CWC27: variants seen among roughly 807,000 people sequenced by gnomAD.
CWC27 encodes the protein spliceosome-associated protein CWC27 homolog.
Under a neutral mutation model 63.6 loss-of-function variants are expected in CWC27, and 47 were observed. The ratio of observed to expected loss-of-function variants is 0.74; its 90% CI spans 0.58 to 0.94. The LOEUF is 0.94. Ranked by LOEUF, CWC27 falls within the 40% of genes least tolerant of loss-of-function variation. CWC27 has a pLI of 0.00. For missense variants in CWC27, 495 were observed against 554.3 expected (o/e 0.89, Z 1.07); for synonymous variants, 175 against 179.8 (o/e 0.97, Z 0.22).
At chr5:64,988,739 A>T (rs541225200) in intron 13 of CWC27, among the ~76,000 whole-genome samples, 1 of 151,278 alleles carries the variant, frequency 6.6e-6, no homozygotes, top group African/African-American at 2.4e-5. Context: ...GAGTAGCTGG[A>T]ATTATAGGCA....
At chr5:64,878,835 G>A (rs1355538585) in intron 10 of CWC27, among the ~76,000 whole-genome samples, 1 of 151,746 alleles carries the variant, frequency 6.6e-6, no homozygotes, top group Non-Finnish European at 1.5e-5. Flanking sequence ...ATATGTGGGG[G>A]ATAAAGTTGA....
chr5:64,899,700 A>T (rs1747458738), intron 11 of CWC27, among the ~76,000 whole-genome samples: 1 of 152,222 alleles, frequency 6.6e-6, no homozygotes, highest in East Asian at 1.9e-4. Context: ...GCTTTATTGA[A>T]GAATAATTTA....
chr5:65,004,252 T>A (rs138541736), intron 13 of CWC27, among the ~76,000 whole-genome samples: 1 of 152,216 alleles, frequency 6.6e-6, no homozygotes, highest in Non-Finnish European at 1.5e-5. Context: ...GTAAGACTTA[T>A]GAGTTTTTCT....
intron 11 of CWC27, among the ~76,000 whole-genome samples, chr5:64,961,140 A>T (rs553550291): frequency 1.3e-5 from 2 of 152,318 alleles, no homozygotes; most frequent in South Asian, 4.1e-4. Flanking sequence ...AGGATAAGGG[A>T]CATACTTTAT....
At chr5:64,770,262 TCTC>T (rs1327167227) in intron 1 of CWC27, among the ~76,000 whole-genome samples, 5 of 152,212 alleles carry the variant, frequency 3.3e-5, no homozygotes, top group Admixed American at 6.5e-5. Context: ...TGTTTGAACT[TCTC>T]CTGGGCATTG....
intron 13 of CWC27, 139 bp from the exon 14 acceptor site, chr5:65,018,020 G>A: frequency 1.4e-6 from 1 of 701,044 alleles, no homozygotes; most frequent in Non-Finnish European, 2.2e-6. Context: ...TTTCCATGTG[G>A]TGTAAGCACC....
intron 11 of CWC27, among the ~76,000 whole-genome samples, chr5:64,919,388 A>G (rs891297708): frequency 2.0e-5 from 3 of 152,126 alleles, no homozygotes; most frequent in African/African-American, 7.2e-5. Flanking sequence ...CAGAGGGTGC[A>G]AGTGCAGGTT....
chr5:64,869,208 T>C (rs1746605976), intron 10 of CWC27, among the ~76,000 whole-genome samples: 2 of 152,094 alleles, frequency 1.3e-5, no homozygotes, highest in Admixed American at 6.6e-5. Context: ...AGTAGAGGTA[T>C]ATGTAGGCCA....
chr5:64,935,206 A>C (rs1404197177), intron 11 of CWC27, among the ~76,000 whole-genome samples: 1 of 152,168 alleles, frequency 6.6e-6, no homozygotes, highest in Non-Finnish European at 1.5e-5. Context: ...GGTAATGCCT[A>C]GGTTTTCTTC....
At chr5:64,954,760 A>G (rs1282629882) in intron 11 of CWC27, among the ~76,000 whole-genome samples, 1 of 136,520 alleles carries the variant, frequency 7.3e-6, no homozygotes, top group African/African-American at 2.8e-5. Flanking sequence ...CACTATATAT[A>G]TAGTGCTTTC....
chr5:64,946,034 A>G (rs1310729249), intron 11 of CWC27, among the ~76,000 whole-genome samples: 3 of 152,138 alleles, frequency 2.0e-5, no homozygotes, highest in African/African-American at 7.2e-5. Flanking sequence ...CTTTGCTATC[A>G]GATTTCTCCA....
chr5:64,801,787 T>C (rs1311417981), intron 9 of CWC27, among the ~76,000 whole-genome samples: 1 of 152,146 alleles, frequency 6.6e-6, no homozygotes, highest in Non-Finnish European at 1.5e-5. Context: ...TCTTTATTAG[T>C]TGTAGTGGCT....
chr5:65,000,959 A>G (rs1272011722), intron 13 of CWC27, among the ~76,000 whole-genome samples: 1 of 152,052 alleles, frequency 6.6e-6, no homozygotes, highest in Non-Finnish European at 1.5e-5. Context: ...ATCCATAAGC[A>G]GAGGATGTCT....
At chr5:64,820,642 A>AT (rs1375120926) in intron 10 of CWC27, among the ~76,000 whole-genome samples, 8 of 152,136 alleles carry the variant, frequency 5.3e-5, no homozygotes, top group Non-Finnish European at 1.2e-4. Flanking sequence ...TAGTCATCTG[A>AT]TTTTTTTGAC....
intron 1 of CWC27, among the ~76,000 whole-genome samples, chr5:64,769,680 T>C (rs1743170650): frequency 6.6e-6 from 1 of 152,328 alleles, no homozygotes; most frequent in East Asian, 1.9e-4. Flanking sequence ...AAAGCCTGTA[T>C]GTCTGATAAG....
At chr5:64,856,117 T>C (rs1160063900) in intron 10 of CWC27, among the ~76,000 whole-genome samples, 2 of 152,112 alleles carry the variant, frequency 1.3e-5, no homozygotes, top group Non-Finnish European at 2.9e-5. Flanking sequence ...ATATTAATTA[T>C]ATTTTAAAGC....
At chr5:64,986,327 A>G (rs1455827291) in intron 13 of CWC27, among the ~76,000 whole-genome samples, 4 of 152,208 alleles carry the variant, frequency 2.6e-5, no homozygotes, top group Non-Finnish European at 5.9e-5. Flanking sequence ...AAGAACTTCT[A>G]TTATTTCACA....
At chr5:64,783,109 G>T (rs1272373352) in intron 3 of CWC27, among the ~76,000 whole-genome samples, 1 of 152,092 alleles carries the variant, frequency 6.6e-6, no homozygotes, top group Non-Finnish European at 1.5e-5. Flanking sequence ...GATCTCTTGA[G>T]AATTATTTAT....
chr5:64,980,701 G>A lies in CWC27; in HGVS notation c.1256+3463G>A, dbSNP rs1489430333. On this transcript the variant is annotated intron_variant, in intron 13 of 13. Coordinates refer to ENST00000381070, the MANE Select transcript of CWC27 (RefSeq NM_005869.4). ...CTCCCCTCCGTCACTTTCTTCCATA[G>A]TACATACGGTATTTAGTATTATAAA... 2.0e-5 allele frequency among the ~76,000 whole-genome samples: 3 copies of A among 151,908 alleles called. No homozygotes were observed. The East Asian group carries it at 5.8e-4, about 29-fold the overall frequency.
Sources: gnomAD v4.1 joint callset for allele counts (sites outside exome capture counted in the v4.1 genomes callset) on GRCh38, gnomAD v4.1.1 for gene constraint, MANE v1.5 for transcripts, NCBI Gene and HGNC (gene_info 2026-07-23, HGNC 2026-07-21) for gene names.